Variants in OPA3 observed in about 807,000 individuals in gnomAD.
OPA3 encodes the protein outer mitochondrial membrane lipid metabolism regulator OPA3.
Under a neutral mutation model 4.0 loss-of-function variants are expected in OPA3, and 6 were observed. The observed-to-expected ratio is 1.51, with a 90% CI of 0.83 to 2.99. The LOEUF (loss-of-function observed/expected upper bound fraction) is 2.99. OPA3 is among the 30% of genes most tolerant of loss of function. The pLI is 0.00. For missense variants in OPA3, 235 were observed against 256.2 expected, an observed-to-expected ratio of 0.92 and a Z score of 0.56; for synonymous variants, 105 against 117.1, an observed-to-expected ratio of 0.90 and a Z score of 0.67.
downstream of OPA3, chr19:45,546,190 T>C: frequency 6.4e-6 from 1 of 155,780 alleles, no homozygotes; most frequent in East Asian, 1.9e-4. Context: ...TTATAATATA[T>C]ATTAAGTATA....
At chr19:45,584,289 C>A in intron 1 of OPA3, 1 of 967,850 alleles carries the variant, frequency 1.0e-6, no homozygotes. Context: ...CTCAGCCCCT[C>A]CCCTAGCTCC....
At chr19:45,556,691 G>T (rs565777823) in intron 1 of OPA3, among the ~76,000 whole-genome samples, 7 of 152,296 alleles carry the variant, frequency 4.6e-5, no homozygotes, top group Admixed American at 4.6e-4. Context: ...GGGGTGGGGT[G>T]GCAGGAAGGC....
intron 1 of OPA3, among the ~76,000 whole-genome samples, chr19:45,573,075 G>C (rs948986818): frequency 6.6e-6 from 1 of 151,884 alleles, no homozygotes; most frequent in Non-Finnish European, 1.5e-5. Context: ...AATTCTCAGA[G>C]GAGAATGTAT....
At chr19:45,541,900 G>C (rs1449446872), downstream of OPA3, among the ~76,000 whole-genome samples, 1 of 152,142 alleles carries the variant, frequency 6.6e-6, no homozygotes, top group East Asian at 1.9e-4. Flanking sequence ...TCAAGGATAC[G>C]AAGAGACCCC....
At position 45,553,805 on chromosome 19, in the gene OPA3, C is replaced by A. The variant is rs199692583; in HGVS notation, c.249G>T (p.Leu83=). The part of the protein sequence containing the change: ...EEAAAELGAE[L]LGEATIFIVG... ...CGATGAAGATGGTGGCTTCGCCCAGCAGCTCTGCGCCCAGCTCAGCTGCCG... is the reference window on the plus strand; with the variant it reads ...CGATGAAGATGGTGGCTTCGCCCAGAAGCTCTGCGCCCAGCTCAGCTGCCG... The change falls in exon 2 of 2, where the codon CTG becomes CTT. Residue 83 remains leucine, a synonymous_variant. Transcript: ENST00000263275. The A allele has an allele frequency of 6.2e-7, 1 of 1,613,286 alleles. No individual in the cohort carries two copies. Among genetic ancestry groups the A allele is most frequent in the Non-Finnish European group, 8.5e-7 (1 of 1,179,788 alleles).
At position 45,551,829 on chromosome 19, in the gene OPA3, A is replaced by G; in HGVS notation, c.*1685T>C. The stretch of plus-strand genomic sequence containing the variant: ...AGCTCCGAGGAAAGAAAGCAAGAGC[A>G]CACAGATTAGGAGACACGGATGGAA... On this transcript the variant is annotated 3_prime_UTR_variant, in exon 2 of 2. Transcript: ENST00000263275. 4.1e-6 allele frequency: 4 copies of G among 985,604 alleles called. No homozygotes were observed. Among genetic ancestry groups the G allele is most frequent in the Non-Finnish European group, 3.6e-6 (3 of 830,022 alleles). The allele number at this position is 985,604 out of a possible 1,614,324, so 61.1% of individuals were successfully genotyped here.
chr19:45,531,839 C>T (rs1969064336), intron 1 of OPA3, among the ~76,000 whole-genome samples: 1 of 152,202 alleles, frequency 6.6e-6, no homozygotes. Flanking sequence ...TCCCCTTAAA[C>T]TCTTCTATCT....
At chr19:45,555,379 C>A (rs10417688) in intron 1 of OPA3, among the ~76,000 whole-genome samples, 107,015 of 152,058 alleles carry the variant, frequency 0.7, 38,103 homozygotes, top group East Asian at 0.87. Context: ...TTTGTCGCCC[C>A]GGCTGGAGTG....
intron 1 of OPA3, among the ~76,000 whole-genome samples, chr19:45,566,628 G>A (rs1336276041): frequency 6.7e-6 from 1 of 149,546 alleles, no homozygotes; most frequent in Non-Finnish European, 1.5e-5. Flanking sequence ...GTGCCACCAT[G>A]CCCAGCTAAT....
In OPA3 at chr19:45,568,636, C is replaced by T. The variant is rs16979895; in HGVS notation, c.143-14725G>A. 2.4e-3 allele frequency among the ~76,000 whole-genome samples: 367 copies of T among 152,256 alleles called. 10 individuals are homozygous for T. In the East Asian group the frequency reaches 0.046, roughly 19 times the overall value. ...GAGACTGCAGTAACACACAATGCTC[C>T]AGTTACCAGAGGGGCATGACTGGTT... On this transcript the variant is annotated intron_variant, in intron 1 of 1. Coordinates refer to ENST00000263275, the MANE Select transcript of OPA3 (RefSeq NM_025136.4).
At chr19:45,530,441 C>G (rs1249010557) in intron 1 of OPA3, among the ~76,000 whole-genome samples, 3 of 151,694 alleles carry the variant, frequency 2.0e-5, no homozygotes, top group Non-Finnish European at 4.4e-5. Flanking sequence ...TATTCTATCT[C>G]CTTCCCTCTC....
chr19:45,553,116 C>T lies in OPA3; in HGVS notation c.*398G>A. On this transcript the variant is annotated 3_prime_UTR_variant, in exon 2 of 2. Coordinates refer to ENST00000263275, the MANE Select transcript of OPA3 (RefSeq NM_025136.4). ...CGATTGACAAAAAGAAGAAGGTGTT[C>T]CAGTGTAACAGATGAGTGTCCCAGT... The T allele has an allele frequency of 9.5e-6, 11 of 1,152,816 alleles. No homozygotes were observed. The highest frequency in any genetic ancestry group is 6.1e-5 in the East Asian group (1 of 16,298). The allele number at this position is 1,152,816 out of a possible 1,614,324, so 71.4% of individuals were successfully genotyped here.
intron 1 of OPA3, among the ~76,000 whole-genome samples, chr19:45,581,929 G>C (rs1261330365): frequency 6.6e-6 from 1 of 152,138 alleles, no homozygotes; most frequent in Non-Finnish European, 1.5e-5. Flanking sequence ...CTCCTGAGTA[G>C]ATGAGATTAC....
intron 1 of OPA3, 85 bp downstream of exon 1, chr19:45,584,538 G>C (rs969992338): frequency 6.2e-7 from 1 of 1,609,066 alleles, no homozygotes; most frequent in African/African-American, 1.3e-5. Flanking sequence ...GTGATTGGTC[G>C]TAGACAGAAG....
intron 1 of OPA3, among the ~76,000 whole-genome samples, chr19:45,557,508 A>G (rs1969439339): frequency 6.6e-6 from 1 of 152,130 alleles, no homozygotes; most frequent in African/African-American, 2.4e-5. Context: ...TCTCACACTC[A>G]GCACATCCAA....
chr19:45,584,427 C>A (rs1224718093), intron 1 of OPA3, 196 bp downstream of exon 1: 1 of 985,210 alleles, frequency 1.0e-6, no homozygotes, highest in Non-Finnish European at 1.2e-6. Context: ...GCTCCTTGAC[C>A]CGCCCCTTAC....
In OPA3 at chr19:45,553,511, C is replaced by G. The variant is rs1054122799; in HGVS notation, c.*3G>C. On this transcript the variant is annotated 3_prime_UTR_variant, in exon 2 of 2. Transcript: ENST00000263275. ...CCAAATTCAGGTTCCATCCAGCAAG[C>G]TCCTATTTCTTGGACGCAGGCACTG... 1.2e-6 allele frequency: 2 copies of G among 1,613,014 alleles called. No individual in the cohort carries two copies. The highest frequency in any genetic ancestry group is 4.5e-5 in the East Asian group (2 of 44,878).
At chr19:45,572,975 A>C (rs1969710999) in intron 1 of OPA3, among the ~76,000 whole-genome samples, 1 of 151,570 alleles carries the variant, frequency 6.6e-6, no homozygotes, top group African/African-American at 2.4e-5. Flanking sequence ...AGATACAATT[A>C]GGTACCCCTA....
intron 1 of OPA3, among the ~76,000 whole-genome samples, chr19:45,568,669 C>T (rs938876785): frequency 6.6e-6 from 1 of 152,052 alleles, no homozygotes; most frequent in Non-Finnish European, 1.5e-5. Flanking sequence ...GTTCCATCTG[C>T]CCAGCATCCT....
Sources: gnomAD v4.1 joint callset for allele counts (sites outside exome capture counted in the v4.1 genomes callset) on GRCh38, gnomAD v4.1.1 for gene constraint, MANE v1.5 for transcripts, NCBI Gene and HGNC (gene_info 2026-07-23, HGNC 2026-07-21) for gene names.